Variants in TLL1 observed in about 807,000 individuals in gnomAD.
The protein encoded by TLL1 is tolloid like 1.
Under a neutral mutation model 128.2 loss-of-function variants are expected in TLL1, and 49 were observed. The ratio of observed to expected loss-of-function variants is 0.38; its 90% confidence interval spans 0.30 to 0.48. The LOEUF (loss-of-function observed/expected upper bound fraction) is 0.48, where lower values mean the gene tolerates loss of function less well. Ranked by LOEUF, TLL1 falls within the 20% of genes least tolerant of loss-of-function variation. The pLI is 0.96. For missense variants in TLL1, 1,123 were observed against 1,242.0 expected (o/e 0.90, Z 1.44); for synonymous variants, 454 against 418.8 (o/e 1.08, Z -1.03).
chr4:165,917,431 G>A (rs1206738714), intron 1 of TLL1, among the ~76,000 whole-genome samples: 1 of 151,988 alleles, frequency 6.6e-6, no homozygotes, highest in Admixed American at 6.6e-5. Flanking sequence ...TTTTCCTTGG[G>A]TATAAAATGG....
At chr4:166,006,038 A>G (rs72697365) in intron 6 of TLL1, among the ~76,000 whole-genome samples, 3,671 of 151,918 alleles carry the variant, frequency 0.024, 77 homozygotes, top group Non-Finnish European at 0.036. Flanking sequence ...GCTCATGTTG[A>G]AGATTAATCT....
intron 1 of TLL1, among the ~76,000 whole-genome samples, chr4:165,936,206 A>ATATATAT (rs765472596): frequency 5.0e-5 from 7 of 139,602 alleles, no homozygotes; most frequent in African/African-American, 1.9e-4. Context: ...ATATATATAT[A>ATATATAT]TTTTTTTTTC....
intron 9 of TLL1, among the ~76,000 whole-genome samples, chr4:166,029,718 A>G (rs1308984756): frequency 1.3e-5 from 2 of 152,038 alleles, no homozygotes; most frequent in Non-Finnish European, 2.9e-5. Context: ...TTCTGTTTCC[A>G]TGAATTTGAG....
chr4:166,070,855 A>T (rs963703470), intron 16 of TLL1, among the ~76,000 whole-genome samples: 5 of 151,916 alleles, frequency 3.3e-5, no homozygotes, highest in Non-Finnish European at 5.9e-5. Context: ...ACATGATATT[A>T]CTCTAACAAA....
intron 18 of TLL1, among the ~76,000 whole-genome samples, chr4:166,079,929 T>A (rs1297239851): frequency 1.3e-5 from 2 of 152,228 alleles, no homozygotes; most frequent in Non-Finnish European, 2.9e-5. Flanking sequence ...AATCTACTGA[T>A]GAATTTGTCA....
At chr4:165,955,428 G>T (rs1344741299) in intron 1 of TLL1, among the ~76,000 whole-genome samples, 1 of 151,960 alleles carries the variant, frequency 6.6e-6, no homozygotes, top group Non-Finnish European at 1.5e-5. Flanking sequence ...TGAAAATTCA[G>T]TAAATTCAGA....
chr4:165,975,007 T>C, intron 1 of TLL1, among the ~76,000 whole-genome samples: 1 of 152,128 alleles, frequency 6.6e-6, no homozygotes. Context: ...TTCAGTGTAG[T>C]TTCAGTGTGG....
chr4:165,943,839 C>A (rs974402237), intron 1 of TLL1, among the ~76,000 whole-genome samples: 1 of 152,122 alleles, frequency 6.6e-6, no homozygotes, highest in Admixed American at 6.6e-5. Context: ...ATTGCAGCTA[C>A]ATGTGCACAG....
Position 166,101,694 on chromosome 4 carries a change from C to G in TLL1, c.*818C>G, listed in dbSNP as rs1579747373. 1.3e-5 allele frequency: 2 copies of G among 152,370 alleles called. No homozygotes were observed. The highest frequency in any genetic ancestry group is 2.9e-5 in the Non-Finnish European group (2 of 67,958). 9.4% of individuals were successfully genotyped at this position (152,370 alleles called of 1,614,324 possible). A position where few individuals can be genotyped will look rare whatever the true frequency, so the allele number is the denominator to read the frequency against. ...GTCTTATGAACCTTATGAGAAAACTCCGAAGAGGTGTGAGCAGGATTCTTC... is the reference window on the plus strand; with the variant it reads ...GTCTTATGAACCTTATGAGAAAACTGCGAAGAGGTGTGAGCAGGATTCTTC... On this transcript the variant is annotated 3_prime_UTR_variant, in exon 21 of 21. Transcript: ENST00000061240.
At chr4:166,098,432 A>C (rs1198973938) in intron 19 of TLL1, among the ~76,000 whole-genome samples, 2 of 151,962 alleles carry the variant, frequency 1.3e-5, no homozygotes, top group Non-Finnish European at 2.9e-5. Flanking sequence ...TACTAACTAA[A>C]AGGTTTTATG....
intron 18 of TLL1, among the ~76,000 whole-genome samples, chr4:166,090,723 G>A (rs905299431): frequency 1.3e-5 from 2 of 151,948 alleles, no homozygotes; most frequent in African/African-American, 4.8e-5. Flanking sequence ...AAGTGCCTAA[G>A]GGTAGGATAA....
chr4:165,887,733 A>T (rs1169007067), intron 1 of TLL1, among the ~76,000 whole-genome samples: 1 of 152,180 alleles, frequency 6.6e-6, no homozygotes, highest in Non-Finnish European at 1.5e-5. Context: ...ATGGCATTGA[A>T]TCTATGGATT....
chr4:166,094,298 AAGAT>A (rs1186652092), intron 19 of TLL1, among the ~76,000 whole-genome samples: 1 of 152,186 alleles, frequency 6.6e-6, no homozygotes, highest in African/African-American at 2.4e-5. Flanking sequence ...ATTGTCTCCA[AAGAT>A]AGTGTACTTG....
At chr4:165,926,618 G>A (rs1283587423) in intron 1 of TLL1, among the ~76,000 whole-genome samples, 1 of 152,150 alleles carries the variant, frequency 6.6e-6, no homozygotes, top group African/African-American at 2.4e-5. Flanking sequence ...AATCACTCGA[G>A]TTCCATGTAT....
At chr4:166,061,238 C>CT (rs1204049312) in intron 15 of TLL1, among the ~76,000 whole-genome samples, 178 of 143,116 alleles carry the variant, frequency 1.2e-3, no homozygotes, top group Middle Eastern at 3.6e-3. Flanking sequence ...TCCTCCTTTC[C>CT]TTTTTTTTTT....
chr4:165,931,726 A>T (rs1184003167), intron 1 of TLL1, among the ~76,000 whole-genome samples: 1 of 151,940 alleles, frequency 6.6e-6, no homozygotes, highest in African/African-American at 2.4e-5. Context: ...CTCAAAAGAA[A>T]AAAAAAAGAA....
chr4:165,914,194 C>T (rs2322527), intron 1 of TLL1, among the ~76,000 whole-genome samples: 75,499 of 151,922 alleles, frequency 0.5, 20,141 homozygotes, highest in East Asian at 0.87. Flanking sequence ...TTGGCTTTTT[C>T]TCTATTAGCG....
At chr4:165,905,258 A>G (rs1296594979) in intron 1 of TLL1, among the ~76,000 whole-genome samples, 1 of 152,222 alleles carries the variant, frequency 6.6e-6, no homozygotes, top group East Asian at 1.9e-4. Context: ...CTTTATTCAC[A>G]ATAATTTTAT....
chr4:165,914,157 T>C (rs1214870493), intron 1 of TLL1, among the ~76,000 whole-genome samples: 1 of 152,216 alleles, frequency 6.6e-6, no homozygotes, highest in Non-Finnish European at 1.5e-5. Context: ...TTCACAATCA[T>C]TACCTTCATT....
Sources: gnomAD v4.1 joint callset for allele counts (sites outside exome capture counted in the v4.1 genomes callset) on GRCh38, gnomAD v4.1.1 for gene constraint, MANE v1.5 for transcripts, NCBI Gene and HGNC (gene_info 2026-07-23, HGNC 2026-07-21) for gene names.